Variants in ANKS1B observed in about 807,000 individuals in gnomAD.
ANKS1B encodes ankyrin repeat and sterile alpha motif domain-containing protein 1B.
In ANKS1B, 36 loss-of-function variants were observed where a neutral mutation model predicts 148.3. That is an observed-to-expected ratio of 0.24 (90% CI 0.19 to 0.32). ANKS1B has a LOEUF of 0.32. ANKS1B is among the 10% of genes least tolerant of loss of function. ANKS1B has a pLI of 1.00. For synonymous variants in ANKS1B, 542 were observed against 560.8 expected, an observed-to-expected ratio of 0.97 and a Z score of 0.47; for missense variants, 1,157 against 1,542.6, an observed-to-expected ratio of 0.75 and a Z score of 4.19.
chr12:98,739,925 C>A (rs2097789834), downstream of ANKS1B, among the ~76,000 whole-genome samples: 1 of 152,164 alleles, frequency 6.6e-6, no homozygotes, highest in Non-Finnish European at 1.5e-5. Context: ...CCCTCCTCTA[C>A]CACCTCCTTC....
At chr12:99,515,158 C>A (rs1245623978) in intron 9 of ANKS1B, among the ~76,000 whole-genome samples, 2 of 149,690 alleles carry the variant, frequency 1.3e-5, no homozygotes, top group African/African-American at 5.1e-5. Flanking sequence ...AAGCATTTAT[C>A]CTTGTGTTAC....
chr12:99,071,556 T>G (rs1483244710), intron 16 of ANKS1B, among the ~76,000 whole-genome samples: 1 of 152,232 alleles, frequency 6.6e-6, no homozygotes, highest in Non-Finnish European at 1.5e-5. Context: ...TTCCATTCTA[T>G]GCTATGTATA....
rs1029761371 is a variant in ANKS1B at position 99,215,945 on chromosome 12, G to T, written c.2419+28397C>A. Among the ~76,000 whole-genome samples the T allele has an allele frequency of 2.0e-5, 3 of 152,208 alleles. No homozygotes were observed. The East Asian group carries it at 5.8e-4, about 29-fold the overall frequency. On this transcript the variant is annotated intron_variant, in intron 14 of 26. Transcript: ENST00000683438. ...ATTTGGAAGGGGCCAGGGGTGGAAT[G>T]AAATGGTTTGGCTGTGTCCTCATCT...
At chr12:98,780,945 A>ATG (rs1255976857) in intron 24 of ANKS1B, among the ~76,000 whole-genome samples, 172 bp downstream of exon 24, 1 of 151,102 alleles carries the variant, frequency 6.6e-6, no homozygotes, top group Non-Finnish European at 1.5e-5. Context: ...GAAGGTGTGT[A>ATG]TGTGTGTGTG....
intron 1 of ANKS1B, among the ~76,000 whole-genome samples, chr12:99,837,357 A>G (rs1475683162): frequency 6.6e-6 from 1 of 152,194 alleles, no homozygotes; most frequent in African/African-American, 2.4e-5. Context: ...CATTTGTGGT[A>G]ACTTGCTACA....
chr12:99,646,466 A>T (rs1401211984), intron 9 of ANKS1B, among the ~76,000 whole-genome samples: 8 of 151,832 alleles, frequency 5.3e-5, no homozygotes, highest in East Asian at 3.9e-4. Flanking sequence ...GACCAGCCTG[A>T]GCAATATGGT....
At chr12:99,466,504 G>A (rs750664981) in intron 10 of ANKS1B, among the ~76,000 whole-genome samples, 1 of 151,654 alleles carries the variant, frequency 6.6e-6, no homozygotes, top group Admixed American at 6.5e-5. Context: ...CCAGGAGCTG[G>A]TTTTTTGAAA....
intron 1 of ANKS1B, among the ~76,000 whole-genome samples, chr12:99,871,271 G>A (rs1171077855): frequency 6.6e-6 from 1 of 152,078 alleles, no homozygotes; most frequent in Non-Finnish European, 1.5e-5. Context: ...TGGTCTATGT[G>A]TCTGTTTTTG....
chr12:98,900,390 G>GAAA (rs2099770365), intron 17 of ANKS1B, among the ~76,000 whole-genome samples: 1 of 152,026 alleles, frequency 6.6e-6, no homozygotes, highest in South Asian at 2.1e-4. Flanking sequence ...TTTAAGCAAG[G>GAAA]AAAAAATACT....
intron 19 of ANKS1B, among the ~76,000 whole-genome samples, chr12:98,811,577 A>C (rs1325672795): frequency 6.6e-6 from 1 of 152,032 alleles, no homozygotes; most frequent in Non-Finnish European, 1.5e-5. Flanking sequence ...ACCCCTTCTC[A>C]CCAGGATTGG....
chr12:98,824,435 G>A (rs2099229643), intron 19 of ANKS1B, among the ~76,000 whole-genome samples: 1 of 152,138 alleles, frequency 6.6e-6, no homozygotes. Context: ...AATGAGCAGG[G>A]ACCTTTGAAT....
chr12:98,901,845 C>G (rs2099772542), intron 17 of ANKS1B, among the ~76,000 whole-genome samples: 1 of 152,126 alleles, frequency 6.6e-6, no homozygotes. Context: ...ATGTCCACCA[C>G]AGAAGCAGCG....
intron 25 of ANKS1B, among the ~76,000 whole-genome samples, chr12:98,759,117 A>G (rs1355184803): frequency 6.6e-6 from 1 of 152,086 alleles, no homozygotes; most frequent in Non-Finnish European, 1.5e-5. Flanking sequence ...CTGCTACATT[A>G]GAGGAGCTTA....
intron 10 of ANKS1B, among the ~76,000 whole-genome samples, chr12:99,483,027 G>T (rs775243803): frequency 4.0e-5 from 6 of 150,224 alleles, no homozygotes; most frequent in Non-Finnish European, 1.5e-5. Flanking sequence ...GGACTTCCAG[G>T]AATATGCTGA....
At chr12:99,750,383 A>G (rs2060993672) in intron 8 of ANKS1B, among the ~76,000 whole-genome samples, 1 of 152,134 alleles carries the variant, frequency 6.6e-6, no homozygotes, top group East Asian at 1.9e-4. Context: ...TTTACCTAGG[A>G]AGATTTTAAT....
chr12:99,505,622 T>C, intron 9 of ANKS1B, among the ~76,000 whole-genome samples: 1 of 148,232 alleles, frequency 6.7e-6, no homozygotes, highest in East Asian at 1.9e-4. Flanking sequence ...ATATATAGCA[T>C]ATTTATATAT....
rs143224033 is a variant in ANKS1B, at chr12:99,025,969, C to A, written c.2778+27188G>T. ...TGGTGGCTTCTTCATTTGTGCCCTT[C>A]AGTTCCCAGACCAATGTGCTTTATG... is the stretch of plus-strand genomic sequence containing the variant. On this transcript the variant is annotated intron_variant, in intron 17 of 26. Coordinates refer to ENST00000683438, the MANE Select transcript of ANKS1B (RefSeq NM_001352186.2). Among the ~76,000 whole-genome samples, 239 of 152,290 alleles carry A rather than the reference C, an allele frequency of 1.6e-3. 6 individuals carry two copies. In the South Asian group the frequency reaches 0.044, roughly 28 times the overall value.
intron 15 of ANKS1B, among the ~76,000 whole-genome samples, chr12:99,153,821 C>T (rs1480613431): frequency 2.6e-5 from 4 of 152,132 alleles, no homozygotes; most frequent in African/African-American, 4.8e-5. Context: ...ATTTAAACTG[C>T]TTATTGAACA....
In ANKS1B at chr12:99,814,097, C is replaced by T. The variant is rs572242780; in HGVS notation, c.216-1786G>A. On this transcript the variant is annotated intron_variant, in intron 2 of 26. Coordinates refer to ENST00000683438, the MANE Select transcript of ANKS1B (RefSeq NM_001352186.2). Reference sequence around the variant, plus strand: ...TAACATACTGTGCAGGCATGTAACTCGGGAGCAACGGGTCATACCATGTAG... The same window carrying T: ...TAACATACTGTGCAGGCATGTAACTTGGGAGCAACGGGTCATACCATGTAG... Among the ~76,000 whole-genome samples, 9 of 151,690 alleles carry T rather than the reference C, an allele frequency of 5.9e-5. No homozygotes were observed. In the East Asian group the frequency reaches 1.2e-3, roughly 20 times the overall value.
Sources: allele counts gnomAD v4.1 joint callset (sites outside exome capture counted in the v4.1 genomes callset), GRCh38; gene constraint gnomAD v4.1.1; transcripts MANE v1.5; gene names NCBI Gene and HGNC (gene_info 2026-07-23, HGNC 2026-07-21).